The following ZC3H3 variants were observed in gnomAD, a reference collection of about 807,000 sequenced individuals.
ZC3H3 encodes zinc finger CCCH domain-containing protein 3.
Under a neutral mutation model 77.3 loss-of-function variants are expected in ZC3H3, and 36 were observed. That is an observed-to-expected ratio of 0.47 (90% CI 0.36 to 0.61). The LOEUF is 0.61. ZC3H3 is among the 20% of genes least tolerant of loss of function. The probability of loss-of-function intolerance (pLI) is 0.00; values close to 1 mark genes in which losing one functional copy is unlikely to be tolerated. For synonymous variants in ZC3H3, 626 were observed against 555.2 expected (o/e 1.13, Z -1.79); for missense variants, 1,331 against 1,312.2 (o/e 1.01, Z -0.22).
intron 9 of ZC3H3, among the ~76,000 whole-genome samples, chr8:143,442,916 C>G (rs974292135): frequency 3.3e-5 from 5 of 152,188 alleles, no homozygotes; most frequent in African/African-American, 1.2e-4. Context: ...TCATCCATGT[C>G]TGTACTGGAC....
At chr8:143,540,883 G>C (rs889737648) in intron 1 of ZC3H3, among the ~76,000 whole-genome samples, 1 of 151,930 alleles carries the variant, frequency 6.6e-6, no homozygotes, top group Non-Finnish European at 1.5e-5. Flanking sequence ...TCGAACCCAG[G>C]ATGAGGAGAT....
chr8:143,520,767 TCA>T (rs761192029), intron 3 of ZC3H3, among the ~76,000 whole-genome samples: 1 of 152,052 alleles, frequency 6.6e-6, no homozygotes, highest in Non-Finnish European at 1.5e-5. Flanking sequence ...GGGCTGAATC[TCA>T]CAGTGTCCTT....
intron 4 of ZC3H3, among the ~76,000 whole-genome samples, chr8:143,499,863 A>G (rs1234532263): frequency 6.6e-6 from 1 of 152,182 alleles, no homozygotes; most frequent in Non-Finnish European, 1.5e-5. Flanking sequence ...AACACCCTGG[A>G]AACGTGCCCT....
intron 1 of ZC3H3, among the ~76,000 whole-genome samples, chr8:143,540,353 A>G (rs1385222698): frequency 6.6e-6 from 1 of 152,092 alleles, no homozygotes; most frequent in Non-Finnish European, 1.5e-5. Context: ...TCCACCTCTG[A>G]GTAGCTGGGA....
At chr8:143,488,457 A>G (rs374459922) in intron 4 of ZC3H3, among the ~76,000 whole-genome samples, 1,242 of 105,474 alleles carry the variant, frequency 0.012, 11 homozygotes, top group African/African-American at 0.019. Context: ...CCGCTCCACG[A>G]CCCCATCACC....
rs1296841609 is a variant in ZC3H3 at position 143,533,401 on chromosome 8, T to TCC, written c.1561+2854_1561+2855dup. Among the ~76,000 whole-genome samples the TCC allele has an allele frequency of 6.6e-6, 1 of 152,076 alleles. No homozygotes were observed. Among genetic ancestry groups the TCC allele is most frequent in the Non-Finnish European group, 1.5e-5 (1 of 68,010 alleles). ...CCTCTCTGCAGCTGGCCCTGTGCTC[T>TCC]CCCCCTGCCTGTTCCTCAGAAGGCA... On this transcript the variant is annotated intron_variant, in intron 3 of 11. Transcript: ENST00000262577. This position sits in a 1 kb window ranked among gnomAD's most constrained non-coding sequence, Gnocchi z 4.0.
intron 4 of ZC3H3, among the ~76,000 whole-genome samples, chr8:143,500,450 C>G (rs548134632): frequency 2.9e-4 from 44 of 152,368 alleles, no homozygotes; most frequent in African/African-American, 9.6e-4. Context: ...TGCACACTGC[C>G]AGGATGAGGC....
At chr8:143,521,074 C>T (rs1822226201) in intron 3 of ZC3H3, among the ~76,000 whole-genome samples, 1 of 152,172 alleles carries the variant, frequency 6.6e-6, no homozygotes, top group Non-Finnish European at 1.5e-5. Context: ...TGAAACAGAC[C>T]CTGGGAGGGG....
At chr8:143,534,697 T>C (rs1050976314) in intron 3 of ZC3H3, among the ~76,000 whole-genome samples, 3 of 151,894 alleles carry the variant, frequency 2.0e-5, no homozygotes, top group Non-Finnish European at 2.9e-5. Context: ...AAGCCACCCC[T>C]ACCATCCACT....
intron 3 of ZC3H3, among the ~76,000 whole-genome samples, chr8:143,516,529 A>C (rs1216283298): frequency 2.4e-5 from 1 of 41,118 alleles, no homozygotes; most frequent in Admixed American, 2.8e-4. Flanking sequence ...TTGCAATCAC[A>C]CACACACACA....
At chr8:143,502,350 C>A (rs527620196) in intron 4 of ZC3H3, among the ~76,000 whole-genome samples, 1 of 152,272 alleles carries the variant, frequency 6.6e-6, no homozygotes, top group African/African-American at 2.4e-5. Flanking sequence ...AGGAGACACG[C>A]GTGGGGAGCG....
At chr8:143,478,317 TC>T (rs1820800871) in intron 4 of ZC3H3, among the ~76,000 whole-genome samples, 3 of 151,796 alleles carry the variant, frequency 2.0e-5, no homozygotes, top group Admixed American at 2.0e-4. Flanking sequence ...CAGCACTTGC[TC>T]CCCTCCCCCA....
At chr8:143,523,094 C>T (rs778118597) in intron 3 of ZC3H3, among the ~76,000 whole-genome samples, 1 of 152,178 alleles carries the variant, frequency 6.6e-6, no homozygotes, top group Non-Finnish European at 1.5e-5. Flanking sequence ...CAAGCCCTGC[C>T]CAGAGGTGCC....
chr8:143,440,836 G>T, intron 10 of ZC3H3, 100 bp downstream of exon 10: 2 of 1,243,822 alleles, frequency 1.6e-6, no homozygotes, highest in South Asian at 2.5e-5. Context: ...GGCCCAAAGA[G>T]CTGGAGTTGG....
At chr8:143,469,981 A>AGCC (rs1465310052) in intron 5 of ZC3H3, among the ~76,000 whole-genome samples, 3 of 152,222 alleles carry the variant, frequency 2.0e-5, no homozygotes, top group African/African-American at 7.2e-5. Context: ...GATGTCCCAA[A>AGCC]GCCGCCCAGC....
At position 143,541,380 on chromosome 8, in the gene ZC3H3, C is replaced by A; in HGVS notation, c.42G>T (p.Leu14=). The part of the protein sequence containing the change: ...KEILRRQIRL[L]QGLIDDYKTL... ...CCCGGCCCCGGCCGGACCTACCCTG[C>A]AGTAGGCGGATCTGCCGCCGTAATA... The change falls in exon 1 of 12, where the codon CTG becomes CTT. Residue 14 remains leucine (L), a synonymous_variant. Transcript: ENST00000262577. 1 of 1,611,542 alleles carries A rather than the reference C, an allele frequency of 6.2e-7. No individual in the cohort carries two copies. The highest frequency in any genetic ancestry group is 8.5e-7 in the Non-Finnish European group (1 of 1,179,404).
At chr8:143,541,315 G>A in intron 1 of ZC3H3, 61 bp downstream of exon 1, 4 of 1,599,084 alleles carry the variant, frequency 2.5e-6, no homozygotes, top group Non-Finnish European at 3.4e-6. Context: ...GGGGGCAGGG[G>A]ACCCGCCGCG....
chr8:143,483,486 C>A (rs769513280), intron 4 of ZC3H3, among the ~76,000 whole-genome samples: 16 of 152,146 alleles, frequency 1.1e-4, no homozygotes. Flanking sequence ...TCCTGAGTTC[C>A]GGAGGAGGAA....
chr8:143,486,753 C>G lies in ZC3H3; in HGVS notation c.1716-11168G>C, dbSNP rs562231109. 2.7e-5 allele frequency among the ~76,000 whole-genome samples: 4 copies of G among 150,818 alleles called. No individual in the cohort carries two copies. In the South Asian group the frequency reaches 8.4e-4, roughly 32 times the overall value. ...CACACACAAAACAGCACCCGCTACA[C>G]GACCCCATCACCACGAAGCTCACAC... On this transcript the variant is annotated intron_variant, in intron 4 of 11. Transcript: ENST00000262577.
Sources: gnomAD v4.1 joint callset for allele counts (sites outside exome capture counted in the v4.1 genomes callset) on GRCh38, gnomAD v4.1.1 for gene constraint, Gnocchi (gnomAD v3.1) non-coding constraint, MANE v1.5 for transcripts, NCBI Gene and HGNC (gene_info 2026-07-23, HGNC 2026-07-21) for gene names.